Variants in IQGAP2 observed in about 807,000 individuals in gnomAD.
The protein encoded by IQGAP2 is IQ motif containing GTPase activating protein 2, also known as ras GTPase-activating-like protein IQGAP2.
Under a neutral mutation model 201.3 loss-of-function variants are expected in IQGAP2, and 173 were observed. The observed-to-expected ratio is 0.86, with a 90% confidence interval of 0.76 to 0.98. The LOEUF (loss-of-function observed/expected upper bound fraction) is 0.98. Ranked by LOEUF, IQGAP2 falls within the 50% of genes least tolerant of loss-of-function variation. The probability of loss-of-function intolerance (pLI) is 0.00; values close to 1 mark genes in which losing one functional copy is unlikely to be tolerated. For missense variants in IQGAP2, 1,687 were observed against 1,864.8 expected, an observed-to-expected ratio of 0.90 and a Z score of 1.76; for synonymous variants, 675 against 673.9, an observed-to-expected ratio of 1.00 and a Z score of -0.03.
intron 2 of IQGAP2, among the ~76,000 whole-genome samples, chr5:76,478,434 G>A (rs1029189885): frequency 2.0e-5 from 3 of 152,122 alleles, no homozygotes; most frequent in South Asian, 2.1e-4. Flanking sequence ...CTAAGTGTAC[G>A]ATGTTTATAA....
chr5:76,495,893 A>G (rs565148833), intron 2 of IQGAP2, among the ~76,000 whole-genome samples: 2 of 152,308 alleles, frequency 1.3e-5, no homozygotes, highest in Admixed American at 6.5e-5. Context: ...ATCACCTCCC[A>G]CCAGGCCCCA....
intron 13 of IQGAP2, 36 bp from the exon 14 acceptor site, chr5:76,627,374 C>T: frequency 3.8e-6 from 5 of 1,306,384 alleles, no homozygotes; most frequent in Non-Finnish European, 5.5e-6. Flanking sequence ...TCATCATTCA[C>T]TCTTCTTTCT....
At chr5:76,581,785 A>T (rs184034853) in intron 5 of IQGAP2, among the ~76,000 whole-genome samples, 4 of 152,226 alleles carry the variant, frequency 2.6e-5, no homozygotes, top group African/African-American at 9.6e-5. Context: ...GGATTTTGAT[A>T]TGATATTGGC....
At chr5:76,540,095 T>G (rs111531235) in intron 2 of IQGAP2, among the ~76,000 whole-genome samples, 2,340 of 152,226 alleles carry the variant, frequency 0.015, 48 homozygotes, top group African/African-American at 0.052. Flanking sequence ...TTTTCTTCAG[T>G]TTCCCCCTCC....
chr5:76,623,182 T>C (rs1749878267), intron 13 of IQGAP2: 2 of 1,614,074 alleles, frequency 1.2e-6, no homozygotes, highest in Admixed American at 3.3e-5. Context: ...TGACAAAAAG[T>C]GGGCAACAGA....
intron 2 of IQGAP2, among the ~76,000 whole-genome samples, chr5:76,540,159 G>C (rs1742668144): frequency 6.6e-6 from 1 of 152,194 alleles, no homozygotes; most frequent in African/African-American, 2.4e-5. Context: ...TGGATGGATT[G>C]TTTGACTTGC....
At chr5:76,610,096 A>G in intron 12 of IQGAP2, among the ~76,000 whole-genome samples, 1 of 11,518 alleles carries the variant, frequency 8.7e-5, no homozygotes, top group Middle Eastern at 0.05. Flanking sequence ...ATATATATAT[A>G]TATATATATA....
chr5:76,629,398 A>C (rs186289739), intron 14 of IQGAP2, among the ~76,000 whole-genome samples: 1 of 152,182 alleles, frequency 6.6e-6, no homozygotes, highest in African/African-American at 2.4e-5. Context: ...TGGCCCAAAT[A>C]TGTTACCACC....
intron 13 of IQGAP2, among the ~76,000 whole-genome samples, chr5:76,620,785 G>A (rs181473843): frequency 1.3e-5 from 2 of 152,124 alleles, no homozygotes; most frequent in African/African-American, 2.4e-5. Context: ...ATCGGAAGAT[G>A]AAATCGGTAT....
At chr5:76,638,986 A>G (rs767241445) in intron 16 of IQGAP2, among the ~76,000 whole-genome samples, 1 of 152,218 alleles carries the variant, frequency 6.6e-6, no homozygotes, top group Non-Finnish European at 1.5e-5. Context: ...GAAACAAGTT[A>G]TGGCCAAAAG....
intron 10 of IQGAP2, among the ~76,000 whole-genome samples, chr5:76,597,885 C>T (rs1486180628): frequency 6.6e-6 from 1 of 152,128 alleles, no homozygotes; most frequent in Non-Finnish European, 1.5e-5. Flanking sequence ...TATTTGAAGA[C>T]ACCTTGGATA....
chr5:76,503,035 C>A (rs746074767), intron 2 of IQGAP2, among the ~76,000 whole-genome samples: 1 of 152,062 alleles, frequency 6.6e-6, no homozygotes, highest in Non-Finnish European at 1.5e-5. Context: ...CATGAGACAC[C>A]ATGCCCGACC....
chr5:76,689,112 G>A (rs753511907), intron 30 of IQGAP2, among the ~76,000 whole-genome samples: 129 of 151,932 alleles, frequency 8.5e-4, no homozygotes, highest in Non-Finnish European at 1.6e-4. Context: ...GGGACAAAGG[G>A]CACATATCGG....
At chr5:76,451,763 A>G (rs1004669969) in intron 1 of IQGAP2, among the ~76,000 whole-genome samples, 6 of 152,228 alleles carry the variant, frequency 3.9e-5, no homozygotes, top group Non-Finnish European at 8.8e-5. Flanking sequence ...GGCTGGACAC[A>G]GTGGCTCACG....
chr5:76,483,373 C>T (rs1755906953), intron 2 of IQGAP2, among the ~76,000 whole-genome samples: 1 of 152,164 alleles, frequency 6.6e-6, no homozygotes, highest in Non-Finnish European at 1.5e-5. Flanking sequence ...GTTAATTATA[C>T]ATTTACAAGG....
chr5:76,501,281 T>C (rs954492570), intron 2 of IQGAP2, among the ~76,000 whole-genome samples: 10 of 152,250 alleles, frequency 6.6e-5, no homozygotes, highest in African/African-American at 2.2e-4. Context: ...AATAATTTCT[T>C]GACCAGGTTC....
intron 13 of IQGAP2, chr5:76,623,105 T>G: frequency 6.6e-7 from 1 of 1,511,766 alleles, no homozygotes; most frequent in Non-Finnish European, 9.2e-7. Context: ...CTAGGTTCAG[T>G]TGACTCTTAA....
chr5:76,568,327 C>T lies in IQGAP2; in HGVS notation c.304-2253C>T, dbSNP rs1333063300. ...CTGACCTTAAAGGTAAACGAAAGTTCCAAGCCTAATCTTGTATTGTAATAA... is the reference window on the plus strand; with the variant it reads ...CTGACCTTAAAGGTAAACGAAAGTTTCAAGCCTAATCTTGTATTGTAATAA... On this transcript the variant is annotated intron_variant, in intron 3 of 35. Transcript: ENST00000274364. Among the ~76,000 whole-genome samples, 2 of 152,164 alleles carry T rather than the reference C, an allele frequency of 1.3e-5. 1 individual carries two copies. The highest frequency in any genetic ancestry group is 2.9e-5 in the Non-Finnish European group (2 of 68,034).
At chr5:76,469,949 C>T (rs1026475334) in intron 2 of IQGAP2, among the ~76,000 whole-genome samples, 1 of 152,104 alleles carries the variant, frequency 6.6e-6, no homozygotes, top group Non-Finnish European at 1.5e-5. Flanking sequence ...ACATTTATCT[C>T]GGAATTTTTG....
Sources: allele counts gnomAD v4.1 joint callset (sites outside exome capture counted in the v4.1 genomes callset), GRCh38; gene constraint gnomAD v4.1.1; transcripts MANE v1.5; gene names NCBI Gene and HGNC (gene_info 2026-07-23, HGNC 2026-07-21).